Variants in TMEFF2 observed in about 807,000 individuals in gnomAD.
TMEFF2 encodes the protein transmembrane protein with EGF like and two follistatin like domains 2.
In TMEFF2, 28 loss-of-function variants were observed where a neutral mutation model predicts 53.8. The observed-to-expected ratio is 0.52, with a 90% CI of 0.39 to 0.71. The LOEUF (loss-of-function observed/expected upper bound fraction) is 0.71. Among genes scored for constraint, TMEFF2 ranks in the 30% least tolerant of loss-of-function variants. The pLI, the probability that TMEFF2 is intolerant of heterozygous loss-of-function variation, is 0.00. For missense variants in TMEFF2, 353 were observed against 455.2 expected (o/e 0.78, Z 2.04); for synonymous variants, 162 against 166.3 (o/e 0.97, Z 0.20).
chr2:192,079,604 G>A (rs1385997548), intron 4 of TMEFF2, among the ~76,000 whole-genome samples: 1 of 152,090 alleles, frequency 6.6e-6, no homozygotes, highest in African/African-American at 2.4e-5. Context: ...ATGTATTGTT[G>A]TTAGAGTATT....
At chr2:192,140,235 T>C (rs1221518687) in intron 4 of TMEFF2, among the ~76,000 whole-genome samples, 1 of 152,212 alleles carries the variant, frequency 6.6e-6, no homozygotes, top group African/African-American at 2.4e-5. Context: ...AGATGTTTTC[T>C]TGACAGCAAT....
chr2:192,080,890 T>C (rs140111036), intron 4 of TMEFF2, among the ~76,000 whole-genome samples: 3 of 152,192 alleles, frequency 2.0e-5, no homozygotes, highest in Admixed American at 6.5e-5. Context: ...CAAAACATTA[T>C]ATGTAATTCT....
intron 4 of TMEFF2, among the ~76,000 whole-genome samples, chr2:192,077,364 T>A (rs897447337): frequency 2.0e-5 from 3 of 152,152 alleles, no homozygotes; most frequent in African/African-American, 7.2e-5. Context: ...ACTATAATAA[T>A]GGAAGTATAA....
chr2:192,085,180 C>T (rs970454035), intron 4 of TMEFF2, among the ~76,000 whole-genome samples: 2 of 152,034 alleles, frequency 1.3e-5, no homozygotes, highest in African/African-American at 4.8e-5. Flanking sequence ...GATGTTAATA[C>T]TGAGACCTGG....
chr2:192,065,180 CTATTA>C (rs1471159141), intron 4 of TMEFF2, among the ~76,000 whole-genome samples: 1 of 151,724 alleles, frequency 6.6e-6, no homozygotes, highest in Non-Finnish European at 1.5e-5. Flanking sequence ...TGTGTTTCTT[CTATTA>C]TATTTTGGCT....
intron 9 of TMEFF2, among the ~76,000 whole-genome samples, chr2:191,951,977 A>G (rs1160507610): frequency 6.6e-6 from 1 of 152,164 alleles, no homozygotes; most frequent in Non-Finnish European, 1.5e-5. Context: ...AATACACAAA[A>G]TCCTTCCCAG....
At chr2:192,085,925 A>G (rs1574359669) in intron 4 of TMEFF2, among the ~76,000 whole-genome samples, 1 of 152,176 alleles carries the variant, frequency 6.6e-6, no homozygotes, top group Non-Finnish European at 1.5e-5. Context: ...TTCATTTCCC[A>G]AAAGCGAAGA....
chr2:192,193,798 A>AGAGGGAGG (rs1553534708), intron 1 of TMEFF2, among the ~76,000 whole-genome samples: 19 of 139,930 alleles, frequency 1.4e-4, no homozygotes, highest in African/African-American at 5.3e-4. Flanking sequence ...AGAGAGAGAG[A>AGAGGGAGG]GAGAGAGAGA....
At chr2:192,160,644 G>A (rs1690610104) in intron 4 of TMEFF2, among the ~76,000 whole-genome samples, 1 of 152,062 alleles carries the variant, frequency 6.6e-6, no homozygotes, top group Non-Finnish European at 1.5e-5. Context: ...TGGAGCCTGA[G>A]CTTTTGCAAT....
intron 4 of TMEFF2, among the ~76,000 whole-genome samples, chr2:192,145,349 T>C (rs1232849327): frequency 6.6e-6 from 1 of 151,988 alleles, no homozygotes; most frequent in African/African-American, 2.4e-5. Flanking sequence ...ATGTGTGCAT[T>C]TCTTTTTACA....
chr2:192,057,625 A>C, intron 5 of TMEFF2, 54 bp downstream of exon 5: 1 of 1,455,232 alleles, frequency 6.9e-7, no homozygotes, highest in East Asian at 2.3e-5. Flanking sequence ...TGGTGTTAAA[A>C]AGAAATTAAT....
chr2:191,984,606 ATTTCT>A (rs779628866), intron 7 of TMEFF2, among the ~76,000 whole-genome samples: 11 of 152,168 alleles, frequency 7.2e-5, no homozygotes, highest in East Asian at 1.9e-4. Flanking sequence ...TATATAATAG[ATTTCT>A]TTTCTAAGGC....
Position 192,188,118 on chromosome 2 carries a change from A to G in TMEFF2, c.283-3635T>C, listed in dbSNP as rs146973781. On this transcript the variant is annotated intron_variant, in intron 2 of 9. Coordinates refer to ENST00000272771, the MANE Select transcript of TMEFF2 (RefSeq NM_016192.4). ...GGGAAAAAAGATTAAAAAAATCTGC[A>G]TATGTTCCAATCCTTTGGCCATTCC... is the stretch of plus-strand genomic sequence containing the variant. Among the ~76,000 whole-genome samples, 5 of 152,318 alleles carry G rather than the reference A, an allele frequency of 3.3e-5. No homozygotes were observed. In the East Asian group the frequency reaches 9.6e-4, roughly 29 times the overall value.
intron 7 of TMEFF2, among the ~76,000 whole-genome samples, chr2:191,964,388 T>C (rs1180037545): frequency 6.7e-4 from 29 of 43,462 alleles, no homozygotes; most frequent in African/African-American, 1.9e-3. Flanking sequence ...CTTTCTTTCT[T>C]TCTTTCTTTC....
intron 5 of TMEFF2, among the ~76,000 whole-genome samples, chr2:192,017,514 T>C (rs924460741): frequency 1.3e-5 from 2 of 152,208 alleles, no homozygotes; most frequent in African/African-American, 2.4e-5. Context: ...TTGGCAGCAC[T>C]CACCATAGAT....
At chr2:192,129,075 C>A (rs1040062699) in intron 4 of TMEFF2, among the ~76,000 whole-genome samples, 14 of 152,266 alleles carry the variant, frequency 9.2e-5, no homozygotes, top group African/African-American at 3.4e-4. Context: ...CACCCCCTGG[C>A]CTGGGGCCCC....
chr2:192,056,288 C>CAAT (rs1175143486), intron 5 of TMEFF2, among the ~76,000 whole-genome samples: 3 of 147,984 alleles, frequency 2.0e-5, no homozygotes, highest in Non-Finnish European at 3.0e-5. Flanking sequence ...GAAATAATAG[C>CAAT]AATAATAATA....
At chr2:192,160,267 T>A (rs1000467674) in intron 4 of TMEFF2, among the ~76,000 whole-genome samples, 1 of 152,176 alleles carries the variant, frequency 6.6e-6, no homozygotes, top group African/African-American at 2.4e-5. Flanking sequence ...CTATTAATAC[T>A]GTGTATCAAC....
At chr2:191,966,126 CA>C (rs1692464759) in intron 7 of TMEFF2, among the ~76,000 whole-genome samples, 1 of 152,046 alleles carries the variant, frequency 6.6e-6, no homozygotes. Flanking sequence ...AGAAAATATA[CA>C]AAAGTAAAAG....
Sources: gnomAD v4.1 joint callset for allele counts (sites outside exome capture counted in the v4.1 genomes callset) on GRCh38, gnomAD v4.1.1 for gene constraint, MANE v1.5 for transcripts, NCBI Gene and HGNC (gene_info 2026-07-23, HGNC 2026-07-21) for gene names.